The following MAP3K1 variants were observed in gnomAD, a reference collection of about 807,000 sequenced individuals.
MAP3K1 encodes the protein MAP/ERK kinase kinase 1.
In MAP3K1, 36 loss-of-function variants were observed where a neutral mutation model predicts 144.2. The observed-to-expected ratio is 0.25, with a 90% CI of 0.19 to 0.33. MAP3K1 has a LOEUF of 0.33. Ranked by LOEUF, MAP3K1 falls within the 10% of genes least tolerant of loss-of-function variation. MAP3K1 has a pLI of 1.00. For synonymous variants in MAP3K1, 718 were observed against 688.7 expected (o/e 1.04, Z -0.67); for missense variants, 1,650 against 1,881.9 (o/e 0.88, Z 2.28).
chr5:56,863,396 TC>T (rs1265720343), intron 3 of MAP3K1, among the ~76,000 whole-genome samples: 1 of 152,248 alleles, frequency 6.6e-6, no homozygotes, highest in East Asian at 1.9e-4. Context: ...ATAAATGGGA[TC>T]ACTTAATAGG....
At chr5:56,825,808 A>C (rs1746295145) in intron 1 of MAP3K1, among the ~76,000 whole-genome samples, 1 of 152,040 alleles carries the variant, frequency 6.6e-6, no homozygotes, top group African/African-American at 2.4e-5. Flanking sequence ...ACCCACTGTC[A>C]ACCTTTTCTT....
chr5:56,894,766 T>TA lies in MAP3K1; in HGVS notation c.*1086_*1087insA, dbSNP rs1748653576. 6 of 232,230 alleles carry TA rather than the reference T, an allele frequency of 2.6e-5. No homozygotes were observed. In the South Asian group the frequency reaches 1.1e-3, roughly 42 times the overall value. The allele number at this position is 232,230 out of a possible 1,614,324, so 14.4% of individuals were successfully genotyped here. Reference sequence around the variant, plus strand: ...ATCTCTTTACAGTAGGCCTGGCAGATCATTTTTTAAAAAGATTATTCAACT... The same window carrying TA: ...ATCTCTTTACAGTAGGCCTGGCAGATACATTTTTTAAAAAGATTATTCAACT... On this transcript the variant is annotated 3_prime_UTR_variant, in exon 20 of 20. Transcript: ENST00000399503.
intron 1 of MAP3K1, chr5:56,820,439 G>A (rs1746118625): frequency 7.1e-6 from 7 of 984,806 alleles, no homozygotes; most frequent in Non-Finnish European, 7.2e-6. Context: ...CCATGAGCTA[G>A]GTCTCTACCC....
At position 56,882,338 on chromosome 5, in the gene MAP3K1, T is replaced by C. The variant is rs1349769468; in HGVS notation, c.3138T>C (p.Phe1046=). The stretch of plus-strand genomic sequence containing the variant: ...ACTCAGATAAACTTTCCCCAGTCTT[T>C]ACTCAGTCAAGACCCTTGCCCTCCA... ...NKDSDKLSPV[F]TQSRPLPSSN... The change falls in exon 14 of 20, where the codon TTT becomes TTC. Residue 1046 remains phenylalanine (F), a synonymous_variant. Coordinates refer to ENST00000399503, the MANE Select transcript of MAP3K1 (RefSeq NM_005921.2). The C allele has an allele frequency of 3.7e-6, 6 of 1,614,074 alleles. No homozygotes were observed. Among genetic ancestry groups the C allele is most frequent in the African/African-American group, 1.3e-5 (1 of 74,932 alleles).
intron 15 of MAP3K1, 96 bp downstream of exon 15, chr5:56,883,775 T>G (rs550916144): frequency 1.6e-6 from 2 of 1,269,030 alleles, no homozygotes; most frequent in East Asian, 2.3e-5. Flanking sequence ...GTGTGTGTAC[T>G]TTAGTTCTTT....
intron 10 of MAP3K1, among the ~76,000 whole-genome samples, chr5:56,875,566 A>G (rs934730470): frequency 6.6e-6 from 1 of 152,150 alleles, no homozygotes; most frequent in African/African-American, 2.4e-5. Flanking sequence ...TTGCAGGGGT[A>G]TCCAAGGGAG....
intron 1 of MAP3K1, among the ~76,000 whole-genome samples, chr5:56,828,337 G>T (rs1746382582): frequency 6.6e-6 from 1 of 152,158 alleles, no homozygotes; most frequent in South Asian, 2.1e-4. Flanking sequence ...TCTGTGAAAA[G>T]AAAAGGTTGG....
chr5:56,868,389 CTTTT>C (rs1747742709), intron 6 of MAP3K1, among the ~76,000 whole-genome samples: 1 of 151,920 alleles, frequency 6.6e-6, no homozygotes, highest in African/African-American at 2.4e-5. Context: ...TTCTTTCTTT[CTTTT>C]CTCTTTTTTT....
At position 56,865,971 on chromosome 5, in the gene MAP3K1, A is replaced by G. The variant is rs778197681; in HGVS notation, c.1295A>G (p.Glu432Gly). 1 of 1,608,284 alleles carries G rather than the reference A, an allele frequency of 6.2e-7. No homozygotes were observed. The highest frequency in any genetic ancestry group is 8.5e-7 in the Non-Finnish European group (1 of 1,174,636). The change falls in exon 6 of 20, where the codon GAA (glutamate) becomes GGA (glycine). Residue 432 changes from glutamate (E) to glycine (G), a missense_variant. Glu to Gly is a moderately conservative substitution (Grantham distance 98). Around this residue, in one of 6 missense-constraint regions of MAP3K1, gnomAD observed 125 missense variants for 179.9 expected, o/e 0.69. Coordinates refer to ENST00000399503, the MANE Select transcript of MAP3K1 (RefSeq NM_005921.2). ...TCTAGTACTTCTACGTCTAGTTCAG[A>G]AAACAGGTTAGTACTTTTTAAGGAT... ...SSSSTSTSSSENSIKDEEEQM... is the reference protein window; with the variant it reads ...SSSSTSTSSSGNSIKDEEEQM...
chr5:56,874,583 A>T (rs546494276), intron 9 of MAP3K1, among the ~76,000 whole-genome samples: 3 of 152,276 alleles, frequency 2.0e-5, no homozygotes, highest in South Asian at 4.1e-4. Context: ...AATACTCTAT[A>T]TCTCTTGAAA....
intron 3 of MAP3K1, among the ~76,000 whole-genome samples, chr5:56,863,981 G>A (rs370152047): frequency 6.6e-6 from 1 of 152,112 alleles, no homozygotes; most frequent in East Asian, 1.9e-4. Flanking sequence ...ATGTTGGGAG[G>A]CATTCCATGG....
At chr5:56,860,061 A>C in intron 3 of MAP3K1, 146 bp downstream of exon 3, 1 of 757,018 alleles carries the variant, frequency 1.3e-6, no homozygotes, top group East Asian at 2.7e-5. Context: ...GTGGTTCCTG[A>C]GACCCTTTCT....
At chr5:56,882,988 A>T in intron 14 of MAP3K1, 122 bp downstream of exon 14, 1 of 765,344 alleles carries the variant, frequency 1.3e-6, no homozygotes, top group Non-Finnish European at 2.1e-6. Context: ...CAGGAGTTCG[A>T]AACTAGCCTG....
Position 56,865,408 on chromosome 5 carries a change from A to G in MAP3K1, c.1104A>G (p.Leu368=). The G allele has an allele frequency of 6.2e-7, 1 of 1,611,970 alleles. No individual in the cohort carries two copies. Residue 368 remains leucine (L), a synonymous_variant, in exon 5 of 20, where the codon CTA becomes CTG. Coordinates refer to ENST00000399503, the MANE Select transcript of MAP3K1 (RefSeq NM_005921.2). ...LLFVMLRVFQ[L]EPSDPMLWRK... Reference sequence around the variant, plus strand: ...TTGTGATGCTCCGGGTGTTTCAACTAGAACCTTCAGACCCAATGTTATGGA... The same window carrying G: ...TTGTGATGCTCCGGGTGTTTCAACTGGAACCTTCAGACCCAATGTTATGGA...
chr5:56,818,679 G>A (rs1746058927), intron 1 of MAP3K1, among the ~76,000 whole-genome samples: 1 of 152,010 alleles, frequency 6.6e-6, no homozygotes, highest in Non-Finnish European at 1.5e-5. Flanking sequence ...TGTCTTTGAA[G>A]AAAAATTACA....
intron 1 of MAP3K1, among the ~76,000 whole-genome samples, chr5:56,854,446 A>AAT: frequency 6.6e-6 from 1 of 151,392 alleles, no homozygotes; most frequent in Admixed American, 6.6e-5. Flanking sequence ...AAAAAAAAAA[A>AAT]AAAAGAAAGA....
chr5:56,860,792 G>A (rs1747484054), intron 3 of MAP3K1, among the ~76,000 whole-genome samples: 1 of 151,974 alleles, frequency 6.6e-6, no homozygotes, highest in Non-Finnish European at 1.5e-5. Flanking sequence ...GGCAGAGGTT[G>A]CAGTGAGCCT....
intron 19 of MAP3K1, among the ~76,000 whole-genome samples, chr5:56,892,836 A>G (rs996030723): frequency 4.6e-5 from 7 of 152,128 alleles, no homozygotes; most frequent in African/African-American, 1.4e-4. Flanking sequence ...TTTTTTTTAT[A>G]TATGACTTGA....
intron 12 of MAP3K1, 23 bp downstream of exon 12, chr5:56,880,825 G>A (rs760125167): frequency 6.4e-7 from 1 of 1,556,714 alleles, no homozygotes; most frequent in Admixed American, 1.7e-5. Flanking sequence ...CACTTAAAAG[G>A]AATATAGCAT....
Sources: allele counts gnomAD v4.1 joint callset (sites outside exome capture counted in the v4.1 genomes callset), GRCh38; gene constraint gnomAD v4.1.1; regional missense constraint gnomAD v4.1.1; transcripts MANE v1.5; gene names NCBI Gene and HGNC (gene_info 2026-07-23, HGNC 2026-07-21).